The following ESRRG variants were observed in gnomAD, a reference collection of about 807,000 sequenced individuals.
The protein encoded by ESRRG is estrogen-related receptor gamma.
ESRRG carries 13 observed loss-of-function variants against 44.0 expected under a neutral mutation model. That is an observed-to-expected ratio of 0.30 (90% CI 0.19 to 0.47). The LOEUF is 0.47. Among genes scored for constraint, ESRRG ranks in the 20% least tolerant of loss-of-function variants. The pLI, the probability that ESRRG is intolerant of heterozygous loss-of-function variation, is 1.00. For missense variants in ESRRG, 395 were observed against 580.6 expected (o/e 0.68, Z 3.29); for synonymous variants, 215 against 214.6 (o/e 1.00, Z -0.02).
intron 1 of ESRRG, among the ~76,000 whole-genome samples, chr1:216,981,903 A>C (rs1337660130): frequency 6.6e-6 from 1 of 152,174 alleles, no homozygotes; most frequent in Non-Finnish European, 1.5e-5. Flanking sequence ...GTGATGACTT[A>C]GTGTCTCCCA....
chr1:217,088,450 T>C (rs188659404), intron 1 of ESRRG, among the ~76,000 whole-genome samples: 4 of 132,146 alleles, frequency 3.0e-5, no homozygotes, highest in African/African-American at 1.1e-4. Context: ...AGAGTGCTAT[T>C]TTCAACATTG....
chr1:217,018,529 C>T (rs2079787670), intron 1 of ESRRG, among the ~76,000 whole-genome samples: 1 of 152,142 alleles, frequency 6.6e-6, no homozygotes, highest in South Asian at 2.1e-4. Flanking sequence ...TTTCCAGCCT[C>T]ATTTTGCTGC....
intron 1 of ESRRG, among the ~76,000 whole-genome samples, chr1:216,997,548 T>A (rs925884015): frequency 2.6e-5 from 4 of 152,234 alleles, no homozygotes; most frequent in Non-Finnish European, 5.9e-5. Context: ...TATGACTGTC[T>A]TAGACTTTGA....
At chr1:216,611,750 G>A (rs543648192) in intron 3 of ESRRG, among the ~76,000 whole-genome samples, 15 of 150,984 alleles carry the variant, frequency 9.9e-5, no homozygotes, top group African/African-American at 3.4e-4. Flanking sequence ...TACTGTGCTA[G>A]AGGTATGTAA....
chr1:216,845,828 G>A (rs1018838369), intron 2 of ESRRG, among the ~76,000 whole-genome samples: 4 of 152,178 alleles, frequency 2.6e-5, no homozygotes, highest in Non-Finnish European at 4.4e-5. Context: ...GCATCAGCTG[G>A]CAATAATAAT....
intron 2 of ESRRG, among the ~76,000 whole-genome samples, chr1:216,848,885 T>G (rs540289096): frequency 2.8e-4 from 42 of 152,168 alleles, no homozygotes; most frequent in African/African-American, 9.9e-4. Flanking sequence ...GAAATATATG[T>G]TTTACTAATA....
At chr1:216,586,301 T>A (rs2063782792) in intron 3 of ESRRG, among the ~76,000 whole-genome samples, 1 of 152,166 alleles carries the variant, frequency 6.6e-6, no homozygotes, top group Non-Finnish European at 1.5e-5. Flanking sequence ...TAAAACTTAC[T>A]TCTACAATAT....
At chr1:216,882,002 T>C (rs1472175054) in intron 2 of ESRRG, among the ~76,000 whole-genome samples, 1 of 151,830 alleles carries the variant, frequency 6.6e-6, no homozygotes, top group African/African-American at 2.4e-5. Context: ...GAAAATAGGC[T>C]TGGACTTGAC....
At chr1:217,104,254 G>A (rs1457063944) in intron 1 of ESRRG, among the ~76,000 whole-genome samples, 1 of 152,164 alleles carries the variant, frequency 6.6e-6, no homozygotes, top group African/African-American at 2.4e-5. Flanking sequence ...AGCACCTTGA[G>A]CTACTCAAGG....
At chr1:216,633,142 G>T (rs1322607595) in intron 3 of ESRRG, among the ~76,000 whole-genome samples, 1 of 152,198 alleles carries the variant, frequency 6.6e-6, no homozygotes, top group Non-Finnish European at 1.5e-5. Context: ...TAAAATGAAT[G>T]CAAACCATTT....
intron 1 of ESRRG, among the ~76,000 whole-genome samples, chr1:216,965,336 T>C (rs2150222643): frequency 7.8e-6 from 1 of 128,510 alleles, no homozygotes; most frequent in Non-Finnish European, 1.8e-5. Context: ...GCAGCTCCAT[T>C]TTTTCAAGAT....
intron 1 of ESRRG, among the ~76,000 whole-genome samples, chr1:217,066,959 C>T (rs779179189): frequency 6.6e-6 from 1 of 152,202 alleles, no homozygotes; most frequent in African/African-American, 2.4e-5. Flanking sequence ...CCAAGGATTT[C>T]ACTTACACCA....
chr1:216,682,959 T>C (rs2077290086), intron 1 of ESRRG, among the ~76,000 whole-genome samples: 1 of 152,108 alleles, frequency 6.6e-6, no homozygotes, highest in Admixed American at 6.6e-5. Flanking sequence ...CCAGCTGCTA[T>C]TGTCAGAGAA....
At chr1:216,531,522 C>A (rs2049374258) in intron 5 of ESRRG, among the ~76,000 whole-genome samples, 1 of 152,200 alleles carries the variant, frequency 6.6e-6, no homozygotes, top group South Asian at 2.1e-4. Flanking sequence ...GCCCTCCCTT[C>A]TTCCTCTCTA....
intron 1 of ESRRG, among the ~76,000 whole-genome samples, chr1:217,054,697 A>G (rs6678584): frequency 0.13 from 19,817 of 152,130 alleles, 1,368 homozygotes; most frequent in Non-Finnish European, 0.14. Context: ...TGGTTATTAT[A>G]CAGGTGCCTG....
intron 3 of ESRRG, among the ~76,000 whole-genome samples, chr1:216,568,849 G>A (rs975133436): frequency 6.6e-5 from 10 of 152,092 alleles, no homozygotes; most frequent in African/African-American, 2.4e-4. Flanking sequence ...GAGGTTGGGA[G>A]TTTGAGACCA....
intron 2 of ESRRG, among the ~76,000 whole-genome samples, chr1:216,782,712 C>A (rs575635625): frequency 6.6e-6 from 1 of 151,992 alleles, no homozygotes; most frequent in Non-Finnish European, 1.5e-5. Context: ...GACTAATGAT[C>A]GTCATTAATG....
intron 1 of ESRRG, among the ~76,000 whole-genome samples, chr1:217,078,862 C>T (rs1050557616): frequency 1.3e-5 from 2 of 152,114 alleles, no homozygotes; most frequent in Non-Finnish European, 2.9e-5. Context: ...TCTCCCAATG[C>T]AGAGGCTGGA....
chr1:216,875,652 A>T (rs988059686), intron 2 of ESRRG, among the ~76,000 whole-genome samples: 18 of 151,860 alleles, frequency 1.2e-4, no homozygotes, highest in African/African-American at 4.1e-4. Context: ...ATTTATATTC[A>T]TTTATTACTT....
Sources: allele counts gnomAD v4.1 joint callset (sites outside exome capture counted in the v4.1 genomes callset), GRCh38; gene constraint gnomAD v4.1.1; transcripts MANE v1.5; gene names NCBI Gene and HGNC (gene_info 2026-07-23, HGNC 2026-07-21).